The following PAX5 variants were observed in gnomAD, a reference collection of about 807,000 sequenced individuals.
PAX5 encodes the protein paired box 5, also known as paired box protein Pax-5.
PAX5 carries 9 observed loss-of-function variants against 43.7 expected under a neutral mutation model. The ratio of observed to expected loss-of-function variants is 0.21; its 90% confidence interval spans 0.12 to 0.36. The LOEUF is 0.36. Among genes scored for constraint, PAX5 ranks in the 10% least tolerant of loss-of-function variants. PAX5 has a pLI of 1.00. For synonymous variants in PAX5, 228 were observed against 214.3 expected (o/e 1.06, Z -0.56); for missense variants, 383 against 532.7 (o/e 0.72, Z 2.77).
rs138831360 is a variant in PAX5 at position 36,839,758 on chromosome 9, G to A, written c.*802C>T. On this transcript the variant is annotated 3_prime_UTR_variant, in exon 10 of 10. Transcript: ENST00000358127. ...AATACCTCGGATGACATTCTGCTTCGGAAAAGTAGCTGAGGAATCTCCCAG... is the reference window on the plus strand; with the variant it reads ...AATACCTCGGATGACATTCTGCTTCAGAAAAGTAGCTGAGGAATCTCCCAG... 1.3e-3 allele frequency: 311 copies of A among 233,350 alleles called. 1 individual carries two copies. The highest frequency in any genetic ancestry group is 6.3e-3 in the African/African-American group (285 of 45,450). The allele number at this position is 233,350 out of a possible 1,614,324, so 14.5% of individuals were successfully genotyped here. A position where few individuals can be genotyped will look rare whatever the true frequency, so the allele number is the denominator to read the frequency against.
At chr9:36,930,031 C>T (rs748595890) in intron 6 of PAX5, among the ~76,000 whole-genome samples, 1 of 150,704 alleles carries the variant, frequency 6.6e-6, no homozygotes, top group Non-Finnish European at 1.5e-5. Context: ...CCAGCTGCCA[C>T]AGACTCTTAT....
At chr9:37,021,560 T>C (rs1329474515) in intron 1 of PAX5, among the ~76,000 whole-genome samples, 1 of 152,176 alleles carries the variant, frequency 6.6e-6, no homozygotes, top group African/African-American at 2.4e-5. Context: ...AATTGACATA[T>C]AGCTTTATTT....
chr9:37,003,532 T>C (rs1838124010), intron 4 of PAX5, among the ~76,000 whole-genome samples: 1 of 152,178 alleles, frequency 6.6e-6, no homozygotes. Flanking sequence ...TCACCCAGGA[T>C]CATACAGCTA....
chr9:36,950,039 A>G (rs1832867331), intron 6 of PAX5, among the ~76,000 whole-genome samples: 2 of 152,098 alleles, frequency 1.3e-5, no homozygotes, highest in African/African-American at 4.8e-5. Context: ...ACCGTTATTA[A>G]CCTGTCATTT....
intron 6 of PAX5, among the ~76,000 whole-genome samples, chr9:36,956,330 AT>A (rs1833473733): frequency 6.6e-6 from 1 of 152,252 alleles, no homozygotes. Context: ...CAAACACAGA[AT>A]TTGCCTGTCA....
intron 6 of PAX5, among the ~76,000 whole-genome samples, chr9:36,957,025 C>A (rs60583013): frequency 5.9e-5 from 9 of 151,518 alleles, no homozygotes; most frequent in Admixed American, 1.3e-4. Context: ...TTGTCCCCCC[C>A]ACTTCCACCC....
chr9:36,889,108 G>A (rs966475296), intron 7 of PAX5, among the ~76,000 whole-genome samples: 2 of 152,228 alleles, frequency 1.3e-5, no homozygotes, highest in Non-Finnish European at 2.9e-5. Flanking sequence ...ATGGAGAAGT[G>A]AGGTCTATGA....
chr9:37,022,743 G>A (rs1839961179), intron 1 of PAX5, among the ~76,000 whole-genome samples: 1 of 152,214 alleles, frequency 6.6e-6, no homozygotes, highest in Non-Finnish European at 1.5e-5. Context: ...CCTAGAGCCA[G>A]GTCTCTCAAG....
At chr9:36,927,617 A>G (rs910600883) in intron 6 of PAX5, among the ~76,000 whole-genome samples, 16 of 152,182 alleles carry the variant, frequency 1.1e-4, no homozygotes, top group African/African-American at 3.9e-4. Context: ...AAGCAAAGCA[A>G]ACCTCCCTAT....
At chr9:36,970,157 T>A (rs1834816886) in intron 5 of PAX5, among the ~76,000 whole-genome samples, 1 of 151,900 alleles carries the variant, frequency 6.6e-6, no homozygotes, top group Non-Finnish European at 1.5e-5. Flanking sequence ...GATGCTAGGG[T>A]GAAAAGAGAG....
At chr9:36,975,083 C>T (rs895356416) in intron 5 of PAX5, among the ~76,000 whole-genome samples, 3 of 152,248 alleles carry the variant, frequency 2.0e-5, no homozygotes, top group Non-Finnish European at 4.4e-5. Flanking sequence ...TGGGTGTCCT[C>T]AGCACGTTGC....
At chr9:36,894,600 T>A (rs1827689130) in intron 7 of PAX5, among the ~76,000 whole-genome samples, 1 of 152,188 alleles carries the variant, frequency 6.6e-6, no homozygotes, top group African/African-American at 2.4e-5. Flanking sequence ...TCTCTGTGTG[T>A]CAGGTTTTGC....
rs556317674 is a variant in PAX5 at position 36,881,656 on chromosome 9, G to A, written c.1012+348C>T. On this transcript the variant is annotated intron_variant, in intron 8 of 9. Coordinates refer to ENST00000358127, the MANE Select transcript of PAX5 (RefSeq NM_016734.3). ...ACACGATTGTGTGGGAGAGAGGGCG[G>A]GGGCCGGGAGGGAGGGAAGGTTGGG... Among the ~76,000 whole-genome samples the A allele has an allele frequency of 7.9e-5, 12 of 152,050 alleles. No homozygotes were observed. In the South Asian group the frequency reaches 2.3e-3, roughly 29 times the overall value.
At position 37,002,535 on chromosome 9, in the gene PAX5, C is replaced by G. The variant is rs1837977521; in HGVS notation, c.604+113G>C. ...CAGCGTGCGGGCCGGGGGACTCGCT[C>G]CTCTGCAGGTAAGGGGGGTGTTCGC... is the stretch of plus-strand genomic sequence containing the variant. On this transcript the variant is annotated intron_variant, in intron 5 of 9. Coordinates refer to ENST00000358127, the MANE Select transcript of PAX5 (RefSeq NM_016734.3). 16 of 1,161,090 alleles carry G rather than the reference C, an allele frequency of 1.4e-5. No homozygotes were observed. The South Asian group carries it at 2.0e-4, about 14-fold the overall frequency. The allele number at this position is 1,161,090 out of a possible 1,614,324, so 71.9% of individuals were successfully genotyped here.
chr9:36,950,844 G>A (rs1471256039), intron 6 of PAX5, among the ~76,000 whole-genome samples: 1 of 148,776 alleles, frequency 6.7e-6, no homozygotes, highest in African/African-American at 2.5e-5. Flanking sequence ...AGGTTCAAGC[G>A]ACTCTCCTGC....
Position 37,002,550 on chromosome 9 carries a change from G to C in PAX5, c.604+98C>G, listed in dbSNP as rs7021250. On this transcript the variant is annotated intron_variant, in intron 5 of 9. Transcript: ENST00000358127. ...GGGACTCGCTCCTCTGCAGGTAAGG[G>C]GGGTGTTCGCGGGCACCTCTGCTGC... The C allele has an allele frequency of 3.0e-6, 4 of 1,316,386 alleles. No homozygotes were observed. In the African/African-American group the frequency reaches 4.4e-5, roughly 15 times the overall value. The allele number at this position is 1,316,386 out of a possible 1,614,324, so 81.5% of individuals were successfully genotyped here.
At chr9:36,872,739 A>G (rs1403184608) in intron 8 of PAX5, among the ~76,000 whole-genome samples, 1 of 152,152 alleles carries the variant, frequency 6.6e-6, no homozygotes, top group Non-Finnish European at 1.5e-5. Flanking sequence ...TAGACTGTCC[A>G]GACCACCTCA....
At chr9:36,963,190 G>A (rs1834116779) in intron 6 of PAX5, among the ~76,000 whole-genome samples, 1 of 152,236 alleles carries the variant, frequency 6.6e-6, no homozygotes. Context: ...CACTGGGTCA[G>A]TCATTATCCT....
At position 36,982,247 on chromosome 9, in the gene PAX5, G is replaced by C. The variant is rs145859810; in HGVS notation, c.605-15523C>G. 2.4e-3 allele frequency among the ~76,000 whole-genome samples: 370 copies of C among 152,166 alleles called. 3 individuals are homozygous for C. Among genetic ancestry groups the C allele is most frequent in the African/African-American group, 8.1e-3 (338 of 41,524 alleles). ...CCACTGCACTCCGGCCTGGGCCACA[G>C]AGCAAGATTTCATCTCAAAAAAAAT... is the stretch of plus-strand genomic sequence containing the variant. On this transcript the variant is annotated intron_variant, in intron 5 of 9. Transcript: ENST00000358127.
Sources: gnomAD v4.1 joint callset for allele counts (sites outside exome capture counted in the v4.1 genomes callset) on GRCh38, gnomAD v4.1.1 for gene constraint, MANE v1.5 for transcripts, NCBI Gene and HGNC (gene_info 2026-07-23, HGNC 2026-07-21) for gene names.